CNTNAP2: variants seen among roughly 807,000 people sequenced by gnomAD.
CNTNAP2 encodes the protein contactin associated protein 2.
CNTNAP2 carries 98 observed loss-of-function variants against 155.2 expected under a neutral mutation model. The ratio of observed to expected loss-of-function variants is 0.63; its 90% CI spans 0.54 to 0.75. The LOEUF (loss-of-function observed/expected upper bound fraction) is 0.75. Among genes scored for constraint, CNTNAP2 ranks in the 30% least tolerant of loss-of-function variants. The pLI, the probability that CNTNAP2 is intolerant of heterozygous loss-of-function variation, is 0.00. For missense variants in CNTNAP2, 1,727 were observed against 1,688.1 expected (o/e 1.02, Z -0.40); for synonymous variants, 651 against 631.2 (o/e 1.03, Z -0.47).
intron 10 of CNTNAP2, among the ~76,000 whole-genome samples, chr7:147,406,428 AAC>A (rs1180296933): frequency 6.6e-6 from 1 of 152,198 alleles, no homozygotes; most frequent in Non-Finnish European, 1.5e-5. Flanking sequence ...CCAAGAAAAA[AAC>A]AGTTTTAAAA....
chr7:146,448,739 A>G (rs1584930448), intron 1 of CNTNAP2, among the ~76,000 whole-genome samples: 1 of 152,158 alleles, frequency 6.6e-6, no homozygotes, highest in Non-Finnish European at 1.5e-5. Context: ...TCGATCACAC[A>G]TAATCACTGC....
intron 1 of CNTNAP2, among the ~76,000 whole-genome samples, chr7:146,743,879 C>T (rs1409285422): frequency 6.6e-6 from 1 of 151,906 alleles, no homozygotes; most frequent in East Asian, 1.9e-4. Flanking sequence ...GAGAGAAAGT[C>T]CAGGAAAAAA....
intron 22 of CNTNAP2, among the ~76,000 whole-genome samples, chr7:148,385,208 A>G (rs746200971): frequency 3.3e-5 from 5 of 152,172 alleles, no homozygotes; most frequent in Non-Finnish European, 2.9e-5. Flanking sequence ...AGAATAACCC[A>G]TTTACAGACG....
At chr7:146,973,459 A>G (rs1340419568) in intron 3 of CNTNAP2, among the ~76,000 whole-genome samples, 2 of 152,250 alleles carry the variant, frequency 1.3e-5, no homozygotes, top group Non-Finnish European at 2.9e-5. Context: ...AAGATGTACG[A>G]TAACCTCCTT....
intron 15 of CNTNAP2, among the ~76,000 whole-genome samples, chr7:148,063,588 T>A (rs1432061779): frequency 7.3e-6 from 1 of 137,214 alleles, no homozygotes; most frequent in Non-Finnish European, 1.7e-5. Context: ...TTTTTTTAAT[T>A]TTTTTTTTTA....
intron 3 of CNTNAP2, among the ~76,000 whole-genome samples, chr7:146,955,509 C>T (rs1017786917): frequency 8.6e-5 from 13 of 151,960 alleles, no homozygotes; most frequent in African/African-American, 3.1e-4. Context: ...GAGCTCCTTG[C>T]ACCACAGTGA....
chr7:147,154,884 C>T (rs559833570), intron 8 of CNTNAP2, among the ~76,000 whole-genome samples: 18 of 151,942 alleles, frequency 1.2e-4, no homozygotes, highest in East Asian at 9.7e-4. Flanking sequence ...ATTATGTCTT[C>T]GATTCATTAT....
intron 15 of CNTNAP2, among the ~76,000 whole-genome samples, chr7:148,104,029 C>A (rs1392091201): frequency 6.6e-6 from 1 of 152,158 alleles, no homozygotes; most frequent in Non-Finnish European, 1.5e-5. Context: ...TAAATCATCA[C>A]AAACCCTGTG....
At chr7:147,970,743 A>T (rs1178861332) in intron 14 of CNTNAP2, among the ~76,000 whole-genome samples, 1 of 152,192 alleles carries the variant, frequency 6.6e-6, no homozygotes, top group Non-Finnish European at 1.5e-5. Context: ...GTCAAACAGA[A>T]TTTTATTGTT....
At chr7:146,974,931 T>A (rs1797878173) in intron 3 of CNTNAP2, among the ~76,000 whole-genome samples, 1 of 152,098 alleles carries the variant, frequency 6.6e-6, no homozygotes, top group South Asian at 2.1e-4. Flanking sequence ...GAGGTTGCAG[T>A]GAGCAGAGAT....
chr7:148,163,549 A>G (rs961191310), intron 17 of CNTNAP2, among the ~76,000 whole-genome samples: 2 of 152,242 alleles, frequency 1.3e-5, no homozygotes, highest in East Asian at 3.9e-4. Flanking sequence ...TTCTAGTTTA[A>G]TAGTTTGGAT....
At chr7:147,482,532 C>T (rs1026166493) in intron 10 of CNTNAP2, among the ~76,000 whole-genome samples, 6 of 151,250 alleles carry the variant, frequency 4.0e-5, no homozygotes, top group South Asian at 2.1e-4. Flanking sequence ...TGCTGGCTAA[C>T]ACAGTGAAAC....
chr7:146,464,293 T>C lies in CNTNAP2; in HGVS notation c.98-309978T>C, dbSNP rs189836953. 8.7e-3 allele frequency among the ~76,000 whole-genome samples: 1,325 copies of C among 151,964 alleles called. 7 individuals are homozygous for C. The highest frequency in any genetic ancestry group is 0.017 in the Middle Eastern group (5 of 292). On this transcript the variant is annotated intron_variant, in intron 1 of 23. Coordinates refer to ENST00000361727, the MANE Select transcript of CNTNAP2 (RefSeq NM_014141.6). ...AAGTAAAGTTTTTAAGGCAGATTTA[T>C]TGTCTTTCCTCCTCCCTATCAGAAT...
intron 1 of CNTNAP2, among the ~76,000 whole-genome samples, chr7:146,337,213 A>G (rs577353769): frequency 8.5e-4 from 130 of 152,226 alleles, no homozygotes; most frequent in African/African-American, 3.1e-3. Flanking sequence ...TAGCACTTAC[A>G]CAAGTGGATT....
intron 1 of CNTNAP2, among the ~76,000 whole-genome samples, chr7:146,668,662 G>T (rs1378105302): frequency 6.6e-6 from 1 of 151,992 alleles, no homozygotes; most frequent in African/African-American, 2.4e-5. Flanking sequence ...TTTTATTACT[G>T]ATTCAATCAT....
At chr7:147,874,343 T>C (rs956182309) in intron 13 of CNTNAP2, among the ~76,000 whole-genome samples, 1 of 152,212 alleles carries the variant, frequency 6.6e-6, no homozygotes, top group African/African-American at 2.4e-5. Flanking sequence ...TTCCATACAT[T>C]CTCTGAAATC....
intron 11 of CNTNAP2, among the ~76,000 whole-genome samples, chr7:147,521,771 G>A (rs2116707524): frequency 6.6e-6 from 1 of 152,260 alleles, no homozygotes; most frequent in Non-Finnish European, 1.5e-5. Context: ...CCTCTGTGTG[G>A]AAACATGAGA....
In CNTNAP2 at chr7:147,116,152, A is replaced by G. The variant is rs1800985641; in HGVS notation, c.755-4827A>G. 1.3e-5 allele frequency among the ~76,000 whole-genome samples: 2 copies of G among 152,174 alleles called. 1 individual carries two copies. Among genetic ancestry groups the G allele is most frequent in the South Asian group, 4.1e-4 (2 of 4,826 alleles). On this transcript the variant is annotated intron_variant, in intron 5 of 23. Transcript: ENST00000361727. ...TGTACCTGGAAGTATAATATCAGCA[A>G]TGAAGCCTGCAGGACAGCAAAGTTG...
intron 8 of CNTNAP2, among the ~76,000 whole-genome samples, chr7:147,288,379 A>G (rs1805229680): frequency 6.6e-6 from 1 of 152,312 alleles, no homozygotes; most frequent in Non-Finnish European, 1.5e-5. Flanking sequence ...ATTGTAAGAG[A>G]TGAATTAATG....
Sources: allele counts gnomAD v4.1 joint callset (sites outside exome capture counted in the v4.1 genomes callset), GRCh38; gene constraint gnomAD v4.1.1; transcripts MANE v1.5; gene names NCBI Gene and HGNC (gene_info 2026-07-23, HGNC 2026-07-21).